Variants in CELSR2 observed in about 807,000 individuals in gnomAD.
CELSR2 encodes cadherin EGF LAG seven-pass G-type receptor 2.
A neutral mutation model predicts 251.6 loss-of-function variants in CELSR2; 81 were observed. The observed-to-expected ratio is 0.32, with a 90% CI of 0.27 to 0.39. The LOEUF is 0.39. Among genes scored for constraint, CELSR2 ranks in the 10% least tolerant of loss-of-function variants. The pLI is 1.00. For missense variants in CELSR2, 3,365 were observed against 3,947.7 expected (o/e 0.85, Z 3.96); for synonymous variants, 1,721 against 1,670.5 (o/e 1.03, Z -0.74).
At position 109,270,060 on chromosome 1, in the gene CELSR2, G is replaced by T. The variant is rs1409978941; in HGVS notation, c.7235G>T (p.Arg2412Leu). ...CTGCGCTCCAACCAACACGGCATCC[G>T]ACGTAACCTGACAGCTGCCCTGGGC... is the stretch of plus-strand genomic sequence containing the variant. ...RILRSNQHGI[R>L]RNLTAALGLA... is the part of the protein sequence containing the mutation. The change falls in exon 23 of 34, where the codon CGA becomes CTA. Residue 2412 changes from arginine to leucine, a missense_variant. By Grantham distance (102) the Arg-to-Leu change is moderately radical (BLOSUM62 -2). This residue lies in a region of CELSR2 where 2,093 missense variants were observed against 2,382.8 expected (regional missense o/e 0.88). Transcript: ENST00000271332. 1.2e-6 allele frequency: 2 copies of T among 1,613,964 alleles called. No homozygotes were observed. Among genetic ancestry groups the T allele is most frequent in the Non-Finnish European group, 8.5e-7 (1 of 1,180,012 alleles).
At chr1:109,270,625 G>C (rs1000531056) in intron 24 of CELSR2, 25 bp downstream of exon 24, 2 of 495,138 alleles carry the variant, frequency 4.0e-6, no homozygotes, top group Non-Finnish European at 3.0e-6. Context: ...TCCCAGTCTT[G>C]GGGTCCCACA....
In CELSR2 at chr1:109,272,393, C is replaced by T; in HGVS notation, c.8042C>T (p.Pro2681Leu). 1.2e-6 allele frequency: 2 copies of T among 1,609,196 alleles called. No individual in the cohort carries two copies. Among genetic ancestry groups the T allele is most frequent in the Non-Finnish European group, 1.7e-6 (2 of 1,176,680 alleles). ...RSGKSQPSYI[P>L]FLLREESALN... ...GGCAAGAGTCAGCCCAGCTACATCC[C>T]CTTCTTGCTGAGGTGAATCCCGGAG... The change falls in exon 29 of 34, where the codon CCC (proline) becomes CTC (leucine). Residue 2681 changes from proline (P) to leucine (L), a missense_variant. Around this residue, in one of 5 missense-constraint regions of CELSR2, gnomAD observed 2,093 missense variants for 2,382.8 expected, o/e 0.88. Coordinates refer to ENST00000271332, the MANE Select transcript of CELSR2 (RefSeq NM_001408.3).
chr1:109,269,696 T>G lies in CELSR2; in HGVS notation c.6983T>G (p.Val2328Gly). The change falls in exon 22 of 34, where the codon GTC (valine) becomes GGC (glycine). Residue 2328 changes from valine to glycine, a missense_variant and splice_region_variant. Around this residue, in one of 5 missense-constraint regions of CELSR2, gnomAD observed 2,093 missense variants for 2,382.8 expected, o/e 0.88. Coordinates refer to ENST00000271332, the MANE Select transcript of CELSR2 (RefSeq NM_001408.3). The surrounding 1 kb of genome is among the most constrained non-coding windows in gnomAD (Gnocchi z 6.4). ...CTGACCCTGCCTTCCTCACACAGGG[T>G]CAGTGGCACAGGTGGCTGGTCGGCC... ...ICVFWNHSIL[V>G]SGTGGWSARG... 6.2e-7 allele frequency: 1 copy of G among 1,614,008 alleles called. No individual in the cohort carries two copies. Among genetic ancestry groups the G allele is most frequent in the East Asian group, 2.2e-5 (1 of 44,856 alleles).
rs1557727296 is a variant in CELSR2, at chr1:109,252,764, C to T, written c.2685C>T (p.Asp895=). The T allele has an allele frequency of 6.2e-7, 1 of 1,614,036 alleles. No individual in the cohort carries two copies. The highest frequency in any genetic ancestry group is 1.7e-5 in the Admixed American group (1 of 60,034). Residue 895 remains aspartate, a synonymous_variant, in exon 1 of 34, where the codon GAC becomes GAT. Coordinates refer to ENST00000271332, the MANE Select transcript of CELSR2 (RefSeq NM_001408.3). The surrounding 1 kb of genome is among the most constrained non-coding windows in gnomAD (Gnocchi z 4.8). The part of the protein sequence containing the change: ...AQYVLRAYAV[D]KGMPPARTPM... ...ATGTCTTGCGGGCATATGCAGTGGA[C>T]AAGGGGATGCCCCCAGCCCGCACAC... is the stretch of plus-strand genomic sequence containing the variant.
intron 28 of CELSR2, 72 bp downstream of exon 28, chr1:109,271,794 T>A (rs562623811): frequency 6.5e-7 from 1 of 1,548,050 alleles, no homozygotes; most frequent in South Asian, 1.2e-5. Context: ...GCCTGTACTT[T>A]TGGCCCCACT....
At position 109,275,325 on chromosome 1, in the gene CELSR2, C is replaced by T. The variant is rs659782; in HGVS notation, c.*1276C>T. 7,198 of 152,342 alleles carry T rather than the reference C, an allele frequency of 0.047. 234 individuals carry two copies. The highest frequency in any genetic ancestry group is 0.065 in the Non-Finnish European group (4,452 of 68,040). 9.4% of individuals were successfully genotyped at this position (152,342 alleles called of 1,614,324 possible). On this transcript the variant is annotated 3_prime_UTR_variant, in exon 34 of 34. Transcript: ENST00000271332. ...TTGACGCCCTTCCCCTTGCCCCAGGCCATCATCTCCCCACCTCTCCTCCCC... is the reference window on the plus strand; with the variant it reads ...TTGACGCCCTTCCCCTTGCCCCAGGTCATCATCTCCCCACCTCTCCTCCCC...
In CELSR2 at chr1:109,266,086, C is replaced by T. The variant is rs1321249622; in HGVS notation, c.5912-19C>T. ...AGAGGGAGAGCTGCTCCTGGGTGAC[C>T]ATGTGCTCTTCCCCGCAGTGAATTA... On this transcript the variant is annotated intron_variant, in intron 14 of 33. Transcript: ENST00000271332. 1.2e-6 allele frequency: 2 copies of T among 1,613,038 alleles called. No individual in the cohort carries two copies. The highest frequency in any genetic ancestry group is 1.1e-5 in the South Asian group (1 of 91,046).
At chr1:109,273,972 A>T (rs746444383) in intron 33 of CELSR2, 50 bp from the exon 34 acceptor site, 1 of 1,607,600 alleles carries the variant, frequency 6.2e-7, no homozygotes, top group African/African-American at 1.3e-5. Context: ...CTCTGTTTCA[A>T]CTAACCCTCT....
At chr1:109,263,348 G>A (rs1656079814) in intron 8 of CELSR2, 81 bp downstream of exon 8, 1 of 1,508,194 alleles carries the variant, frequency 6.6e-7, no homozygotes, top group Admixed American at 2.2e-5. Context: ...CAGGCACTGG[G>A]CAGGGCTCTG....
chr1:109,251,410 G>T lies in CELSR2; in HGVS notation c.1331G>T (p.Arg444Leu), dbSNP rs768494078. The T allele has an allele frequency of 2.5e-6, 4 of 1,613,944 alleles. No homozygotes were observed. The South Asian group carries it at 4.4e-5, about 18-fold the overall frequency. The change falls in exon 1 of 34, where the codon CGG becomes CTG. Residue 444 changes from arginine to leucine, a missense_variant. By Grantham distance (102) the Arg-to-Leu change is moderately radical. Transcript: ENST00000271332. This position sits in a 1 kb window ranked among gnomAD's most constrained non-coding sequence, Gnocchi z 4.9. ...VHYSIMSGNARGQFYLDAQTG... is the reference protein window; with the variant it reads ...VHYSIMSGNALGQFYLDAQTG... Reference sequence around the variant, plus strand: ...TATAGCATCATGAGTGGCAATGCTCGGGGACAGTTTTATCTGGATGCCCAG... The same window carrying T: ...TATAGCATCATGAGTGGCAATGCTCTGGGACAGTTTTATCTGGATGCCCAG...
In CELSR2 at chr1:109,270,581, C is replaced by A; in HGVS notation, c.7464C>A (p.Gly2488=). The change falls in exon 24 of 34, where the codon GGC becomes GGA. Residue 2488 remains glycine, a synonymous_variant. Transcript: ENST00000271332. ...GCTTCTACTACATGCTGGGCTGGGGCGTGCCTGCCTTCATCACAGGTACTC... is the reference window on the plus strand; with the variant it reads ...GCTTCTACTACATGCTGGGCTGGGGAGTGCCTGCCTTCATCACAGGTACTC... ...PMRFYYMLGW[G]VPAFITGLAV... is the part of the protein sequence containing the mutation. 1 of 1,614,046 alleles carries A rather than the reference C, an allele frequency of 6.2e-7. No individual in the cohort carries two copies. The highest frequency in any genetic ancestry group is 8.5e-7 in the Non-Finnish European group (1 of 1,180,006).
rs1390125682 is a variant in CELSR2 at position 109,251,859 on chromosome 1, G to A, written c.1780G>A (p.Ala594Thr). The A allele has an allele frequency of 1.2e-6, 2 of 1,614,070 alleles. No homozygotes were observed. The highest frequency in any genetic ancestry group is 1.3e-5 in the African/African-American group (1 of 75,024). The change falls in exon 1 of 34, where the codon GCC becomes ACC. Residue 594 changes from alanine (A) to threonine (T), a missense_variant. Transcript: ENST00000271332. This position sits in a 1 kb window ranked among gnomAD's most constrained non-coding sequence, Gnocchi z 4.9. ...DHGTPALTAS[A>T]SVSVTVLDVN... is the part of the protein sequence containing the mutation. ...TGGCACTCCAGCACTCACTGCCTCG[G>A]CCAGTGTCAGCGTGACTGTCCTGGA...
intron 33 of CELSR2, 26 bp downstream of exon 33, chr1:109,273,696 G>A (rs751898688): frequency 2.7e-5 from 37 of 1,387,276 alleles, no homozygotes; most frequent in South Asian, 7.4e-5. Context: ...TGGGCGGGAC[G>A]GGGTGCAGCC....
rs767918219 is a variant in CELSR2, at chr1:109,270,487, C to T, written c.7370C>T (p.Ala2457Val). ...CTGTACCTCTGCACCTTTTCCTGGG[C>T]TCTGCTGGAGGCCTTGCACCTGTAC... is the stretch of plus-strand genomic sequence containing the variant. ...HFLYLCTFSW[A>V]LLEALHLYRA... Residue 2457 changes from alanine (A) to valine (V), a missense_variant, in exon 24 of 34, where the codon GCT becomes GTT. Around this residue, in one of 5 missense-constraint regions of CELSR2, gnomAD observed 2,093 missense variants for 2,382.8 expected, o/e 0.88. Coordinates refer to ENST00000271332, the MANE Select transcript of CELSR2 (RefSeq NM_001408.3). The T allele has an allele frequency of 6.2e-7, 1 of 1,614,216 alleles. No homozygotes were observed. The highest frequency in any genetic ancestry group is 8.5e-7 in the Non-Finnish European group (1 of 1,180,036).
At chr1:109,263,824 G>T in intron 9 of CELSR2, 47 bp downstream of exon 9, 1 of 1,591,862 alleles carries the variant, frequency 6.3e-7, no homozygotes. Context: ...ATAGGGCCCT[G>T]GTAGCCTCTA....
rs1415554224 is a variant in CELSR2 at position 109,275,306 on chromosome 1, C to G, written c.*1257C>G. On this transcript the variant is annotated 3_prime_UTR_variant, in exon 34 of 34. Transcript: ENST00000271332. Reference sequence around the variant, plus strand: ...GCAGCCCTGGCTTGGGGGCTTGACGCCCTTCCCCTTGCCCCAGGCCATCAT... The same window carrying G: ...GCAGCCCTGGCTTGGGGGCTTGACGGCCTTCCCCTTGCCCCAGGCCATCAT... The G allele has an allele frequency of 6.6e-6, 1 of 152,256 alleles. No individual in the cohort carries two copies. Among genetic ancestry groups the G allele is most frequent in the Non-Finnish European group, 1.5e-5 (1 of 68,066 alleles). 9.4% of individuals were successfully genotyped at this position (152,256 alleles called of 1,614,324 possible).
At chr1:109,273,412 TCA>T in intron 32 of CELSR2, 22 bp from the exon 33 acceptor site, 1 of 1,608,050 alleles carries the variant, frequency 6.2e-7, no homozygotes. Flanking sequence ...TGGCCGCACC[TCA>T]CAGCCCCGCC....
chr1:109,268,479 C>G, intron 17 of CELSR2, 102 bp from the exon 18 acceptor site: 2 of 1,416,908 alleles, frequency 1.4e-6, no homozygotes, highest in Non-Finnish European at 1.9e-6. Flanking sequence ...AGGGAGGGGC[C>G]TGGTGGGGAG....
In CELSR2 at chr1:109,252,717, G is replaced by A. The variant is rs1485040188; in HGVS notation, c.2638G>A (p.Asp880Asn). Reference sequence around the variant, plus strand: ...CATCGTGCGAACGCTACGGAGGCTGGATCGAGAGAACGTGGCCCAGTATGT... The same window carrying A: ...CATCGTGCGAACGCTACGGAGGCTGAATCGAGAGAACGTGGCCCAGTATGT... The part of the protein sequence containing the change: ...SGIVRTLRRL[D>N]RENVAQYVLR... Residue 880 changes from aspartate (D) to asparagine (N), a missense_variant, in exon 1 of 34, where the codon GAT (aspartate) becomes AAT (asparagine). Asp to Asn is a conservative substitution (Grantham distance 23). Coordinates refer to ENST00000271332, the MANE Select transcript of CELSR2 (RefSeq NM_001408.3). This position sits in a 1 kb window ranked among gnomAD's most constrained non-coding sequence, Gnocchi z 4.8. The A allele has an allele frequency of 1.2e-6, 2 of 1,613,944 alleles. No individual in the cohort carries two copies. The highest frequency in any genetic ancestry group is 2.7e-5 in the African/African-American group (2 of 74,936).
Sources: allele counts gnomAD v4.1 joint callset, GRCh38; gene constraint gnomAD v4.1.1; regional missense constraint gnomAD v4.1.1; non-coding constraint Gnocchi (gnomAD v3.1); transcripts MANE v1.5; gene names NCBI Gene and HGNC (gene_info 2026-07-23, HGNC 2026-07-21).